E2F6: variants seen among roughly 807,000 people sequenced by gnomAD.
E2F6 encodes the protein E2F transcription factor 6, also known as transcription factor E2F6.
A neutral mutation model predicts 31.5 loss-of-function variants in E2F6; 19 were observed. The ratio of observed to expected loss-of-function variants is 0.60; its 90% CI spans 0.42 to 0.89. E2F6 has a LOEUF of 0.89. Among genes scored for constraint, E2F6 ranks in the 40% least tolerant of loss-of-function variants. The pLI is 0.00. For synonymous variants in E2F6, 121 were observed against 127.7 expected, an observed-to-expected ratio of 0.95 and a Z score of 0.36; for missense variants, 269 against 341.6, an observed-to-expected ratio of 0.79 and a Z score of 1.67.
chr2:11,448,141 T>C (rs1302158009), intron 5 of E2F6, among the ~76,000 whole-genome samples: 1 of 152,132 alleles, frequency 6.6e-6, no homozygotes, highest in African/African-American at 2.4e-5. Flanking sequence ...CTTGAGATAA[T>C]GGAAGGGCCA....
intron 1 of E2F6, among the ~76,000 whole-genome samples, chr2:11,464,303 A>T (rs1406263548): frequency 6.6e-6 from 1 of 151,984 alleles, no homozygotes; most frequent in Non-Finnish European, 1.5e-5. Flanking sequence ...TCACGAGGTC[A>T]GGAGATTGAG....
Position 11,447,904 on chromosome 2 carries a change from C to T in E2F6, c.652-130G>A, listed in dbSNP as rs1033839189. The T allele has an allele frequency of 5.7e-5, 60 of 1,043,804 alleles. No individual in the cohort carries two copies. In the East Asian group the frequency reaches 1.5e-3, roughly 26 times the overall value. 64.7% of individuals were successfully genotyped at this position (1,043,804 alleles called of 1,614,324 possible). A position where few individuals can be genotyped will look rare whatever the true frequency, so the allele number is the denominator to read the frequency against. Reference sequence around the variant, plus strand: ...GCTGTAGTCACATTACAGCACTGGCCAATTCCCATGCTGAAGACAGCTACA... The same window carrying T: ...GCTGTAGTCACATTACAGCACTGGCTAATTCCCATGCTGAAGACAGCTACA... On this transcript the variant is annotated intron_variant, in intron 5 of 6. Transcript: ENST00000381525.
chr2:11,448,907 C>G (rs1407987558), intron 5 of E2F6, among the ~76,000 whole-genome samples: 1 of 152,190 alleles, frequency 6.6e-6, no homozygotes, highest in African/African-American at 2.4e-5. Flanking sequence ...CGGATCTGAC[C>G]TGAGGGCCAG....
Position 11,466,065 on chromosome 2 carries a change from C to G in E2F6, c.-186G>C, listed in dbSNP as rs757271015. The stretch of plus-strand genomic sequence containing the variant: ...CGCCAGTAAACGCGGCACGGCCTCA[C>G]GTGCCCGGGAGCTCCCGACGCAGAC... On this transcript the variant is annotated 5_prime_UTR_variant, in exon 1 of 7. Transcript: ENST00000381525. The G allele has an allele frequency of 3.5e-5, 19 of 536,962 alleles. No individual in the cohort carries two copies. The highest frequency in any genetic ancestry group is 1.0e-4 in the East Asian group (3 of 28,700). The allele number at this position is 536,962 out of a possible 1,614,324, so 33.3% of individuals were successfully genotyped here. A position where few individuals can be genotyped will look rare whatever the true frequency, so the allele number is the denominator to read the frequency against.
At chr2:11,454,706 CA>C (rs771098228) in intron 2 of E2F6, among the ~76,000 whole-genome samples, 14 of 147,624 alleles carry the variant, frequency 9.5e-5, no homozygotes, top group South Asian at 2.1e-4. Context: ...AACAGATAGA[CA>C]AAAAAAAAAT....
At chr2:11,455,222 T>A in intron 2 of E2F6, 1 of 827,764 alleles carries the variant, frequency 1.2e-6, no homozygotes, top group South Asian at 4.0e-5. Context: ...ATGGCTTGGT[T>A]TGCAGAAAAA....
At chr2:11,447,801 GATGA>G in intron 5 of E2F6, 27 bp from the exon 6 acceptor site, 1 of 1,590,376 alleles carries the variant, frequency 6.3e-7, no homozygotes, top group Non-Finnish European at 8.5e-7. Context: ...GAATCGTCAA[GATGA>G]ATGAAATAAT....
chr2:11,448,216 AT>A (rs1454097052), intron 5 of E2F6, among the ~76,000 whole-genome samples: 3 of 152,256 alleles, frequency 2.0e-5, no homozygotes, highest in East Asian at 1.9e-4. Context: ...TGTCAAAAAA[AT>A]CGTTTACATT....
At chr2:11,453,171 AT>A (rs531752435) in intron 3 of E2F6, among the ~76,000 whole-genome samples, 2,287 of 143,754 alleles carry the variant, frequency 0.016, 49 homozygotes, top group African/African-American at 0.045. Flanking sequence ...ACACTGTCTG[AT>A]TTTTTTTTTT....
intron 1 of E2F6, among the ~76,000 whole-genome samples, chr2:11,464,708 A>C (rs1308271720): frequency 6.6e-6 from 1 of 152,116 alleles, no homozygotes; most frequent in Non-Finnish European, 1.5e-5. Context: ...CTTATTATCC[A>C]GCCACAGGCA....
At chr2:11,451,035 G>A (rs963898126) in intron 4 of E2F6, among the ~76,000 whole-genome samples, 1 of 151,924 alleles carries the variant, frequency 6.6e-6, no homozygotes, top group African/African-American at 2.4e-5. Context: ...AAGCAACAAC[G>A]CGCTTCTGTG....
Position 11,465,835 on chromosome 2 carries a change from CAGG to C in E2F6, c.42_44del (p.Leu15del), listed in dbSNP as rs1558467364. The C allele has an allele frequency of 3.1e-6, 5 of 1,592,200 alleles. No individual in the cohort carries two copies. In the South Asian group the frequency reaches 3.4e-5, roughly 11 times the overall value. ...GGCGAACCGTCTCCTCCGTCGGGTC[CAGG>C]AGGAGACTGGGTAACTTCCTCGCCG... On this transcript the variant is annotated inframe_deletion, in exon 1 of 7. Transcript: ENST00000381525.
At chr2:11,465,313 C>A (rs1323179794) in intron 1 of E2F6, among the ~76,000 whole-genome samples, 3 of 152,008 alleles carry the variant, frequency 2.0e-5, no homozygotes, top group African/African-American at 7.2e-5. Context: ...GGAAAGGGAG[C>A]CAAATTTCCT....
At chr2:11,459,289 GGT>G (rs1671614523) in intron 1 of E2F6, among the ~76,000 whole-genome samples, 1 of 151,998 alleles carries the variant, frequency 6.6e-6, no homozygotes, top group Admixed American at 6.6e-5. Flanking sequence ...TGCATTCTAG[GGT>G]GTCTTCTCTG....
At chr2:11,447,543 T>A in intron 6 of E2F6, 84 bp downstream of exon 6, 2 of 1,451,988 alleles carry the variant, frequency 1.4e-6, no homozygotes. Context: ...CTAGGAAGAG[T>A]AAAAATATCT....
At chr2:11,464,665 T>A (rs371370325) in intron 1 of E2F6, among the ~76,000 whole-genome samples, 1 of 152,120 alleles carries the variant, frequency 6.6e-6, no homozygotes, top group African/African-American at 2.4e-5. Context: ...CATCTGGAGT[T>A]AGACATTTGG....
At chr2:11,459,201 C>T (rs1312483599) in intron 1 of E2F6, among the ~76,000 whole-genome samples, 1 of 152,078 alleles carries the variant, frequency 6.6e-6, no homozygotes, top group African/African-American at 2.4e-5. Flanking sequence ...CAGAGGTTCC[C>T]GTTCTTAATT....
chr2:11,465,751 C>T (rs1456971581), intron 1 of E2F6, 21 bp downstream of exon 1: 1 of 1,569,766 alleles, frequency 6.4e-7, no homozygotes, highest in South Asian at 1.2e-5. Flanking sequence ...CCGCCCGTCC[C>T]CGTCCCGTCC....
At chr2:11,464,164 G>T (rs1171305892) in intron 1 of E2F6, among the ~76,000 whole-genome samples, 1 of 152,058 alleles carries the variant, frequency 6.6e-6, no homozygotes, top group Non-Finnish European at 1.5e-5. Context: ...TTACAAGTGT[G>T]CTTAGGATAG....
Sources: gnomAD v4.1 joint callset for allele counts (sites outside exome capture counted in the v4.1 genomes callset) on GRCh38, gnomAD v4.1.1 for gene constraint, MANE v1.5 for transcripts, NCBI Gene and HGNC (gene_info 2026-07-23, HGNC 2026-07-21) for gene names.